TMEM87A: variants seen among roughly 807,000 people sequenced by gnomAD.
TMEM87A encodes transmembrane protein 87A.
In TMEM87A, 50 loss-of-function variants were observed where a neutral mutation model predicts 90.0. The observed-to-expected ratio is 0.56, with a 90% confidence interval of 0.44 to 0.70. TMEM87A has a LOEUF of 0.70. Among genes scored for constraint, TMEM87A ranks in the 30% least tolerant of loss-of-function variants. The probability of loss-of-function intolerance (pLI) is 0.00; values close to 1 mark genes in which losing one functional copy is unlikely to be tolerated. For missense variants in TMEM87A, 577 were observed against 660.5 expected (o/e 0.87, Z 1.39); for synonymous variants, 226 against 226.7 (o/e 1.00, Z 0.03).
At chr15:42,214,389 C>T (rs573303289) in intron 19 of TMEM87A, among the ~76,000 whole-genome samples, 5 of 152,242 alleles carry the variant, frequency 3.3e-5, no homozygotes, top group Admixed American at 2.0e-4. Context: ...AGAAGAGAAA[C>T]GACAGGCCAA....
At chr15:42,260,604 C>G (rs2051269418) in intron 6 of TMEM87A, among the ~76,000 whole-genome samples, 2 of 152,046 alleles carry the variant, frequency 1.3e-5, no homozygotes, top group South Asian at 2.1e-4. Flanking sequence ...TAGCTTTAGA[C>G]CTTATTTCAA....
intron 16 of TMEM87A, 47 bp downstream of exon 16, chr15:42,220,015 G>A (rs1212762146): frequency 4.7e-6 from 7 of 1,481,612 alleles, no homozygotes; most frequent in African/African-American, 2.8e-5. Flanking sequence ...TGTACTTACA[G>A]AAAAATAATA....
chr15:42,268,137 A>G, intron 2 of TMEM87A, 105 bp from the exon 3 acceptor site: 1 of 748,192 alleles, frequency 1.3e-6, no homozygotes, highest in Non-Finnish European at 2.1e-6. Flanking sequence ...AAACTGAGAT[A>G]CTCAAAGACC....
At chr15:42,233,853 G>A (rs768910378) in intron 10 of TMEM87A, among the ~76,000 whole-genome samples, 5 of 151,900 alleles carry the variant, frequency 3.3e-5, no homozygotes, top group Admixed American at 1.3e-4. Context: ...CACTGGAGCC[G>A]TGAACTCCTG....
chr15:42,253,111 A>C (rs1038156126), intron 6 of TMEM87A, among the ~76,000 whole-genome samples: 3 of 152,340 alleles, frequency 2.0e-5, no homozygotes, highest in Admixed American at 2.0e-4. Flanking sequence ...CAAAGACAAA[A>C]AAGAACAGAA....
intron 6 of TMEM87A, among the ~76,000 whole-genome samples, chr15:42,251,287 G>A (rs193203345): frequency 9.9e-5 from 15 of 152,254 alleles, no homozygotes; most frequent in South Asian, 2.1e-4. Flanking sequence ...TCCGTTGCTC[G>A]CGGGGAGCTG....
intron 11 of TMEM87A, among the ~76,000 whole-genome samples, chr15:42,231,612 G>A (rs2050687540): frequency 6.6e-6 from 1 of 151,714 alleles, no homozygotes; most frequent in African/African-American, 2.4e-5. Flanking sequence ...TGCAATTTTG[G>A]CTACAAGTCT....
intron 7 of TMEM87A, among the ~76,000 whole-genome samples, chr15:42,243,091 T>C (rs12440779): frequency 0.95 from 144,459 of 151,858 alleles, 68,954 homozygotes; most frequent in Non-Finnish European, 1. Flanking sequence ...ACGGTGAAAC[T>C]CCGTCTCCAC....
intron 18 of TMEM87A, 159 bp from the exon 19 acceptor site, chr15:42,217,992 G>A: frequency 1.5e-6 from 1 of 688,642 alleles, no homozygotes; most frequent in South Asian, 2.2e-5. Context: ...AATACAATAA[G>A]CAACAGTTAC....
chr15:42,224,169 T>C (rs2050547678), intron 15 of TMEM87A, among the ~76,000 whole-genome samples: 1 of 152,198 alleles, frequency 6.6e-6, no homozygotes, highest in Non-Finnish European at 1.5e-5. Flanking sequence ...GGCCATGCCA[T>C]ATCAGCTCTG....
chr15:42,220,823 G>A (rs1303208686), intron 15 of TMEM87A, among the ~76,000 whole-genome samples: 5 of 151,776 alleles, frequency 3.3e-5, no homozygotes, highest in African/African-American at 4.8e-5. Flanking sequence ...ACGGAGTCTC[G>A]CTCTGTCGCC....
intron 15 of TMEM87A, among the ~76,000 whole-genome samples, chr15:42,221,443 TA>T (rs2050483952): frequency 6.6e-6 from 1 of 152,150 alleles, no homozygotes; most frequent in East Asian, 1.9e-4. Flanking sequence ...ATTCAAAGAC[TA>T]AAAAATGGAG....
intron 6 of TMEM87A, among the ~76,000 whole-genome samples, chr15:42,249,445 T>C (rs577402716): frequency 6.6e-6 from 1 of 152,276 alleles, no homozygotes; most frequent in African/African-American, 2.4e-5. Context: ...CTCTACACAC[T>C]GCTTTAAATG....
At chr15:42,224,559 G>A (rs1184859062) in intron 15 of TMEM87A, 2 of 152,192 alleles carry the variant, frequency 1.3e-5, no homozygotes, top group African/African-American at 4.8e-5. Context: ...CACCTTAACT[G>A]TGAGTATAAC....
upstream of TMEM87A, chr15:42,273,534 CG>C: frequency 1.4e-6 from 2 of 1,425,626 alleles, no homozygotes; most frequent in Admixed American, 2.3e-5. Context: ...TGCGGCGTAG[CG>C]GCCCCTCTCT....
At chr15:42,219,976 GA>G in intron 16 of TMEM87A, 85 bp downstream of exon 16, 1 of 1,268,878 alleles carries the variant, frequency 7.9e-7, no homozygotes, top group Non-Finnish European at 1.1e-6. Flanking sequence ...CCAAATATAG[GA>G]ACAACACAGT....
Position 42,228,722 on chromosome 15 carries a change from C to A in TMEM87A, c.1230G>T (p.Leu410Phe). ...AAGTCCCAGACTTACCTGCCACTGC[C>A]AAAATAAGCGTGTTGGTGAAATGCC... Reference protein sequence around the residue: ...LYRHFTNTLILAVAASIVFII... With the variant: ...LYRHFTNTLIFAVAASIVFII... The change falls in exon 13 of 20, where the codon TTG becomes TTT. Residue 410 changes from leucine (L) to phenylalanine (F), a missense_variant. Transcript: ENST00000389834. The A allele has an allele frequency of 6.2e-7, 1 of 1,613,786 alleles. No homozygotes were observed. The highest frequency in any genetic ancestry group is 8.5e-7 in the Non-Finnish European group (1 of 1,179,864).
chr15:42,249,646 A>G (rs1444002317), intron 6 of TMEM87A, among the ~76,000 whole-genome samples: 1 of 151,916 alleles, frequency 6.6e-6, no homozygotes, highest in Non-Finnish European at 1.5e-5. Flanking sequence ...CGTCTGAGAG[A>G]CGGTTGTGAC....
At chr15:42,232,963 G>T (rs2050710677) in intron 11 of TMEM87A, 2 of 266,514 alleles carry the variant, frequency 7.5e-6, no homozygotes, top group Non-Finnish European at 1.4e-5. Flanking sequence ...TCTACTGCTT[G>T]GGAGGAGGAA....
Sources: gnomAD v4.1 joint callset for allele counts (sites outside exome capture counted in the v4.1 genomes callset) on GRCh38, gnomAD v4.1.1 for gene constraint, MANE v1.5 for transcripts, NCBI Gene and HGNC (gene_info 2026-07-23, HGNC 2026-07-21) for gene names.